SLC8A1: variants seen among roughly 807,000 people sequenced by gnomAD.
The protein encoded by SLC8A1 is solute carrier family 8 member A1.
In SLC8A1, 18 loss-of-function variants were observed where a neutral mutation model predicts 68.3. The observed-to-expected ratio is 0.26, with a 90% confidence interval of 0.18 to 0.39. SLC8A1 has a LOEUF of 0.39. Ranked by LOEUF, SLC8A1 falls within the 10% of genes least tolerant of loss-of-function variation. SLC8A1 has a pLI of 1.00. For missense variants in SLC8A1, 985 were observed against 1,156.7 expected (o/e 0.85, Z 2.15); for synonymous variants, 475 against 415.5 (o/e 1.14, Z -1.74).
At position 40,180,173 on chromosome 2, in the gene SLC8A1, AC is replaced by A. The variant is rs1243469699; in HGVS notation, c.1809-2319del. Among the ~76,000 whole-genome samples the A allele has an allele frequency of 3.9e-5, 6 of 152,240 alleles. No individual in the cohort carries two copies. The South Asian group carries it at 1.2e-3, about 32-fold the overall frequency. On this transcript the variant is annotated intron_variant, in intron 2 of 7. Coordinates refer to ENST00000406785, the Ensembl canonical transcript of SLC8A1. ...ACCAACAGTATGATAATGTCCAGTTACATGTATACTGTAAACAGCTCCTTCC... is the reference window on the plus strand; with the variant it reads ...ACCAACAGTATGATAATGTCCAGTTAATGTATACTGTAAACAGCTCCTTCC...
chr2:40,376,749 A>G (rs1286474786), intron 2 of SLC8A1, among the ~76,000 whole-genome samples: 1 of 152,088 alleles, frequency 6.6e-6, no homozygotes, highest in East Asian at 1.9e-4. Flanking sequence ...ACTGCCTCAA[A>G]AGTATTGAGC....
At chr2:40,117,990 T>A (rs898891997) in intron 7 of SLC8A1, among the ~76,000 whole-genome samples, 2 of 152,236 alleles carry the variant, frequency 1.3e-5, no homozygotes, top group Non-Finnish European at 2.9e-5. Flanking sequence ...TATCATCAAT[T>A]CTGCCCTCTG....
At chr2:40,143,866 G>A (rs1344491540) in intron 6 of SLC8A1, among the ~76,000 whole-genome samples, 1 of 152,174 alleles carries the variant, frequency 6.6e-6, no homozygotes, top group African/African-American at 2.4e-5. Context: ...AAAAGAGACT[G>A]CTGGAAGGTA....
chr2:40,459,016 T>C (rs756959786), intron 1 of SLC8A1, among the ~76,000 whole-genome samples: 2 of 152,194 alleles, frequency 1.3e-5, no homozygotes, highest in African/African-American at 2.4e-5. Context: ...CACTCATTTC[T>C]TTATGGATTT....
At chr2:40,238,728 A>G (rs2060791973) in intron 2 of SLC8A1, among the ~76,000 whole-genome samples, 1 of 152,186 alleles carries the variant, frequency 6.6e-6, no homozygotes, top group Admixed American at 6.5e-5. Flanking sequence ...AAAGTTAAGT[A>G]TGAGTTTCTA....
chr2:40,433,956 T>C (rs755584355), intron 1 of SLC8A1, among the ~76,000 whole-genome samples: 7 of 152,152 alleles, frequency 4.6e-5, no homozygotes, highest in Non-Finnish European at 1.0e-4. Context: ...TCAATAACTG[T>C]GATGTAACAT....
chr2:40,354,135 T>C (rs1297048510), intron 2 of SLC8A1, among the ~76,000 whole-genome samples: 1 of 152,216 alleles, frequency 6.6e-6, no homozygotes, highest in Non-Finnish European at 1.5e-5. Context: ...CCATATGCGC[T>C]ATACCACTTT....
chr2:40,412,882 ATTTT>A (rs1559576101), intron 2 of SLC8A1, among the ~76,000 whole-genome samples: 2 of 151,954 alleles, frequency 1.3e-5, no homozygotes, highest in East Asian at 1.9e-4. Context: ...TAATCTAGGT[ATTTT>A]TTCTGGTTAT....
rs180725726 is a variant in SLC8A1 at position 40,165,031 on chromosome 2, T to C, written c.1931-47A>G. The C allele has an allele frequency of 2.4e-5, 39 of 1,609,874 alleles. No individual in the cohort carries two copies. The Admixed American group carries it at 6.0e-4, about 25-fold the overall frequency. On this transcript the variant is annotated intron_variant, in intron 4 of 7. Coordinates refer to ENST00000406785, the Ensembl canonical transcript of SLC8A1. Reference sequence around the variant, plus strand: ...GAGTGAGCACTGTGTTCTGTTTAATTTGGAAATCCCTGGATCCTGCCATAA... The same window carrying C: ...GAGTGAGCACTGTGTTCTGTTTAATCTGGAAATCCCTGGATCCTGCCATAA...
At chr2:40,462,163 C>T (rs1417807149) in intron 1 of SLC8A1, among the ~76,000 whole-genome samples, 4 of 151,588 alleles carry the variant, frequency 2.6e-5, no homozygotes, top group Non-Finnish European at 5.9e-5. Context: ...TGCACCACCA[C>T]ACCTGGCTAA....
chr2:40,491,060 A>G (rs1405877003), intron 1 of SLC8A1, among the ~76,000 whole-genome samples: 1 of 152,156 alleles, frequency 6.6e-6, no homozygotes, highest in East Asian at 1.9e-4. Flanking sequence ...AAAAAGGCCA[A>G]TATTTGAAAA....
At chr2:40,268,215 G>C (rs1283736625) in intron 2 of SLC8A1, among the ~76,000 whole-genome samples, 6 of 152,062 alleles carry the variant, frequency 3.9e-5, no homozygotes, top group Non-Finnish European at 8.8e-5. Context: ...TGTCCTTTGA[G>C]TGTAGTACCA....
intron 2 of SLC8A1, among the ~76,000 whole-genome samples, chr2:40,278,016 A>G (rs2066994867): frequency 6.6e-6 from 1 of 151,996 alleles, no homozygotes; most frequent in Admixed American, 6.6e-5. Context: ...CTAGGATTTG[A>G]CCAGGTTATC....
chr2:40,238,757 G>A lies in SLC8A1; in HGVS notation c.1809-60902C>T, dbSNP rs567200747. 3.3e-5 allele frequency among the ~76,000 whole-genome samples: 5 copies of A among 152,054 alleles called. No homozygotes were observed. The South Asian group carries it at 1.0e-3, about 32-fold the overall frequency. ...GTTTCTATTATATAAATTAACTCAA[G>A]TATTGTTCAGAGATTTTACTTATAT... On this transcript the variant is annotated intron_variant, in intron 2 of 7. Coordinates refer to ENST00000406785, the Ensembl canonical transcript of SLC8A1.
chr2:40,167,718 A>G (rs2046784023), intron 4 of SLC8A1, among the ~76,000 whole-genome samples: 1 of 151,968 alleles, frequency 6.6e-6, no homozygotes, highest in Non-Finnish European at 1.5e-5. Flanking sequence ...TCAAAACCCC[A>G]CCTCTTCTGG....
intron 1 of SLC8A1, among the ~76,000 whole-genome samples, chr2:40,436,877 G>A (rs931007558): frequency 8.5e-5 from 13 of 152,146 alleles, no homozygotes; most frequent in Admixed American, 6.5e-5. Context: ...TGTGAAGTTA[G>A]CCAGGTTTGT....
intron 2 of SLC8A1, among the ~76,000 whole-genome samples, chr2:40,222,279 G>A (rs2058437182): frequency 6.6e-6 from 1 of 152,026 alleles, no homozygotes; most frequent in African/African-American, 2.4e-5. Flanking sequence ...ATGGGGAAAC[G>A]ACTCCCTACT....
chr2:40,383,839 GTAAACATTA>G, intron 2 of SLC8A1, among the ~76,000 whole-genome samples: 1 of 152,126 alleles, frequency 6.6e-6, no homozygotes, highest in South Asian at 2.1e-4. Flanking sequence ...AATAGCATCT[GTAAACATTA>G]TCCTTAACAG....
intron 2 of SLC8A1, among the ~76,000 whole-genome samples, chr2:40,397,170 G>A (rs187443969): frequency 2.6e-5 from 4 of 152,304 alleles, no homozygotes; most frequent in African/African-American, 7.2e-5. Context: ...CTGGCACATA[G>A]TAGATATCCA....
Sources: allele counts gnomAD v4.1 joint callset (sites outside exome capture counted in the v4.1 genomes callset), GRCh38; gene constraint gnomAD v4.1.1; transcripts MANE v1.5; gene names NCBI Gene and HGNC (gene_info 2026-07-23, HGNC 2026-07-21).